The following CYBA variants were observed in gnomAD, a reference collection of about 807,000 sequenced individuals.
CYBA encodes the protein cytochrome b-245 light chain.
Under a neutral mutation model 20.8 loss-of-function variants are expected in CYBA, and 21 were observed. The ratio of observed to expected loss-of-function variants is 1.01; its 90% confidence interval spans 0.72 to 1.46. CYBA has a LOEUF of 1.46. Ranked by LOEUF, CYBA falls within the 40% of genes most tolerant of loss-of-function variation. The probability of loss-of-function intolerance (pLI) is 0.00; values close to 1 mark genes in which losing one functional copy is unlikely to be tolerated. For missense variants in CYBA, 344 were observed against 287.0 expected (o/e 1.20, Z -1.43); for synonymous variants, 164 against 127.5 (o/e 1.29, Z -1.93).
At chr16:88,650,919 C>G (rs1391693659) in intron 1 of CYBA, 37 bp downstream of exon 1, 1 of 1,567,902 alleles carries the variant, frequency 6.4e-7, no homozygotes, top group African/African-American at 1.4e-5. Flanking sequence ...GACACCCCTC[C>G]AGGCTGCAGC....
intron 4 of CYBA, chr16:88,646,539 T>C (rs1249951010): frequency 1.4e-6 from 1 of 700,844 alleles, no homozygotes; most frequent in Admixed American, 2.0e-5. Flanking sequence ...TGGCGACGGA[T>C]CGGAGCTCCT....
chr16:88,645,922 A>G (rs1302871724), intron 5 of CYBA, 194 bp downstream of exon 5: 12 of 610,328 alleles, frequency 2.0e-5, no homozygotes, highest in Non-Finnish European at 3.2e-5. Context: ...GACCCGACAC[A>G]CTAGACACGC....
At position 88,647,153 on chromosome 16, in the gene CYBA, G is replaced by C; in HGVS notation, c.151C>G (p.Leu51Val). The C allele has an allele frequency of 1.9e-6, 3 of 1,610,608 alleles. No homozygotes were observed. Among genetic ancestry groups the C allele is most frequent in the Non-Finnish European group, 2.5e-6 (3 of 1,179,558 alleles). Residue 51 changes from leucine (L) to valine (V), a missense_variant, in exon 3 of 6, where the codon CTG becomes GTG. Coordinates refer to ENST00000261623, the MANE Select transcript of CYBA (RefSeq NM_000101.4). ...CTCTTCCCCCGGGGGTACTCCAGCA[G>C]GCACACAAACACGCCCGCCACACTG... The part of the protein sequence containing the change: ...YSIVAGVFVC[L>V]LEYPRGKRKK...
At chr16:88,648,839 GA>G (rs1302282695) in intron 1 of CYBA, among the ~76,000 whole-genome samples, 2 of 151,766 alleles carry the variant, frequency 1.3e-5, no homozygotes, top group Non-Finnish European at 2.9e-5. Context: ...GGCTGGTCTC[GA>G]ACTCCTGACC....
intron 5 of CYBA, chr16:88,644,887 A>G (rs912550078): frequency 1.9e-6 from 1 of 515,368 alleles, no homozygotes; most frequent in Middle Eastern, 5.1e-4. Flanking sequence ...AAAGGATTTG[A>G]ACAGGCAACT....
chr16:88,648,529 C>T (rs1199197036), intron 1 of CYBA, among the ~76,000 whole-genome samples: 4 of 152,210 alleles, frequency 2.6e-5, no homozygotes, highest in African/African-American at 7.2e-5. Context: ...TCCTCTTAAC[C>T]CGTCAGCGGT....
intron 2 of CYBA, 113 bp from the exon 3 acceptor site, chr16:88,647,288 T>A: frequency 9.6e-7 from 1 of 1,038,850 alleles, no homozygotes; most frequent in Non-Finnish European, 1.4e-6. Flanking sequence ...ATGCCTGGAA[T>A]CCCAGCATTT....
In CYBA at chr16:88,647,047, C is replaced by A. The variant is rs1197231763; in HGVS notation, c.203+54G>T. ...ACCAAGCTCCACCCAACCCTGTGAG[C>A]CCTGCCTGGGCCCCGCAGCCCCCGG... On this transcript the variant is annotated intron_variant, in intron 3 of 5. Coordinates refer to ENST00000261623, the MANE Select transcript of CYBA (RefSeq NM_000101.4). The A allele has an allele frequency of 2.2e-5, 34 of 1,520,924 alleles. 1 individual carries two copies. The highest frequency in any genetic ancestry group is 1.4e-5 in the Non-Finnish European group (16 of 1,112,062). 94.2% of individuals were successfully genotyped at this position (1,520,924 alleles called of 1,614,324 possible). A position where few individuals can be genotyped will look rare whatever the true frequency, so the allele number is the denominator to read the frequency against.
chr16:88,650,466 GC>G, intron 1 of CYBA: 1 of 461,172 alleles, frequency 2.2e-6, no homozygotes, highest in African/African-American at 2.0e-5. Context: ...ACCGCCTCCA[GC>G]GCAGACTCCA....
intron 1 of CYBA, among the ~76,000 whole-genome samples, chr16:88,649,227 T>C (rs970914212): frequency 6.6e-5 from 10 of 152,370 alleles, no homozygotes; most frequent in South Asian, 2.1e-4. Flanking sequence ...GTAGCCACCT[T>C]GCCCTGCCAG....
At chr16:88,647,819 C>A in intron 2 of CYBA, 2 of 611,294 alleles carry the variant, frequency 3.3e-6, no homozygotes. Context: ...ACCCCCTGCC[C>A]ACCACTCACC....
intron 2 of CYBA, among the ~76,000 whole-genome samples, 191 bp from the exon 3 acceptor site, chr16:88,647,366 A>T (rs1907329303): frequency 6.6e-6 from 1 of 152,142 alleles, no homozygotes; most frequent in African/African-American, 2.4e-5. Flanking sequence ...ACATAGTGAG[A>T]CCCTCATCTC....
chr16:88,643,605 G>GCGCC lies in CYBA; in HGVS notation c.370-38_370-35dup, dbSNP rs1907168597. The GCGCC allele has an allele frequency of 2.0e-6, 3 of 1,520,304 alleles. No individual in the cohort carries two copies. The highest frequency in any genetic ancestry group is 2.6e-6 in the Non-Finnish European group (3 of 1,136,290). The allele number at this position is 1,520,304 out of a possible 1,614,324, so 94.2% of individuals were successfully genotyped here. A position where few individuals can be genotyped will look rare whatever the true frequency, so the allele number is the denominator to read the frequency against. On this transcript the variant is annotated intron_variant, in intron 5 of 5. Transcript: ENST00000261623. This position sits in a 1 kb window ranked among gnomAD's most constrained non-coding sequence, Gnocchi z 4.3. ...CACTGAAGGGTTGAGCCGCGCCCCA[G>GCGCC]CGCCCGCCCTCCCTCCCTCCCTCCC...
chr16:88,650,636 C>T (rs1307573884), intron 1 of CYBA: 6 of 553,606 alleles, frequency 1.1e-5, no homozygotes, highest in Admixed American at 2.6e-5. Context: ...ACCCCGGAAA[C>T]CACCGGGGCT....
intron 1 of CYBA, among the ~76,000 whole-genome samples, chr16:88,649,667 G>A (rs906369071): frequency 5.9e-5 from 9 of 152,242 alleles, no homozygotes; most frequent in South Asian, 4.1e-4. Context: ...AGCTTGTGCC[G>A]AGGCCCTGGG....
At chr16:88,648,681 G>A (rs1245950452) in intron 1 of CYBA, among the ~76,000 whole-genome samples, 4 of 150,488 alleles carry the variant, frequency 2.7e-5, no homozygotes, top group Admixed American at 6.6e-5. Flanking sequence ...GCAGTGGCGC[G>A]ATCTCGACTC....
chr16:88,650,109 C>A (rs1907451340), intron 1 of CYBA: 1 of 331,604 alleles, frequency 3.0e-6, no homozygotes, highest in Non-Finnish European at 6.1e-6. Context: ...CGCTCAGAGC[C>A]CCAGGGGAGT....
Position 88,647,144 on chromosome 16 carries a change from A to AGAGGAAGAAGGG in CYBA, c.159_160insCCCTTCTTCCTC (p.Glu53_Tyr54insProPhePheLeu), listed in dbSNP as rs1907319592. On this transcript the variant is annotated inframe_insertion, in exon 3 of 6. Transcript: ENST00000261623. ...CCCTTCTTCCTCTTCCCCCGGGGGTACTCCAGCAGGCACACAAACACGCCC... is the reference window on the plus strand; with the variant it reads ...CCCTTCTTCCTCTTCCCCCGGGGGTAGAGGAAGAAGGGCTCCAGCAGGCACACAAACACGCCC... 1 of 1,610,598 alleles carries AGAGGAAGAAGGG rather than the reference A, an allele frequency of 6.2e-7. No homozygotes were observed. Among genetic ancestry groups the AGAGGAAGAAGGG allele is most frequent in the Admixed American group, 1.7e-5 (1 of 59,940 alleles).
At chr16:88,646,265 C>T (rs1050612550) in intron 4 of CYBA, 68 bp from the exon 5 acceptor site, 20 of 790,462 alleles carry the variant, frequency 2.5e-5, no homozygotes, top group Non-Finnish European at 3.1e-5. Flanking sequence ...AGCCCCAGGT[C>T]TGGGGGCCAA....
Sources: gnomAD v4.1 joint callset for allele counts (sites outside exome capture counted in the v4.1 genomes callset) on GRCh38, gnomAD v4.1.1 for gene constraint, Gnocchi (gnomAD v3.1) non-coding constraint, MANE v1.5 for transcripts, NCBI Gene and HGNC (gene_info 2026-07-23, HGNC 2026-07-21) for gene names.